Variants in H1-8 observed in about 807,000 individuals in gnomAD.
The protein encoded by H1-8 is histone H1.8.
Under a neutral mutation model 19.5 loss-of-function variants are expected in H1-8, and 13 were observed. The observed-to-expected ratio is 0.67, with a 90% CI of 0.43 to 1.06. The LOEUF (loss-of-function observed/expected upper bound fraction) is 1.06, where lower values mean the gene tolerates loss of function less well. Among genes scored for constraint, H1-8 ranks in the 50% least tolerant of loss-of-function variants. H1-8 has a pLI of 0.00. For missense variants in H1-8, 432 were observed against 459.8 expected, an observed-to-expected ratio of 0.94 and a Z score of 0.55; for synonymous variants, 193 against 187.6, an observed-to-expected ratio of 1.03 and a Z score of -0.24.
intron 1 of H1-8, among the ~76,000 whole-genome samples, chr3:129,543,619 T>C (rs956006835): frequency 6.6e-6 from 1 of 151,056 alleles, no homozygotes; most frequent in African/African-American, 2.4e-5. Flanking sequence ...CCGTAGCCCG[T>C]AGCCAGGCTG....
chr3:129,547,348 G>C, intron 1 of H1-8, 43 bp from the exon 2 acceptor site: 4 of 1,460,684 alleles, frequency 2.7e-6, no homozygotes, highest in Non-Finnish European at 3.6e-6. Flanking sequence ...CTGCCACTGA[G>C]TTGTGACTGG....
intron 3 of H1-8, among the ~76,000 whole-genome samples, chr3:129,550,376 C>T (rs2084924477): frequency 6.6e-6 from 1 of 152,140 alleles, no homozygotes; most frequent in Non-Finnish European, 1.5e-5. Context: ...CACTCCAGCA[C>T]AGTGACAGAG....
At position 129,549,321 on chromosome 3, in the gene H1-8, G is replaced by A; in HGVS notation, c.699G>A (p.Gly233=). ...KAMRAPSSAG[G]LSRKAKAKGS... ...TGCGGGCACCTTCCAGTGCTGGTGGGCTCAGCAGGAAGGCAAAGGCCAAAG... is the reference window on the plus strand; with the variant it reads ...TGCGGGCACCTTCCAGTGCTGGTGGACTCAGCAGGAAGGCAAAGGCCAAAG... Residue 233 remains glycine (G), a synonymous_variant, in exon 3 of 5, where the codon GGG becomes GGA. Transcript: ENST00000324382. The A allele has an allele frequency of 6.2e-7, 1 of 1,606,800 alleles. No homozygotes were observed. The highest frequency in any genetic ancestry group is 8.5e-7 in the Non-Finnish European group (1 of 1,177,848).
Position 129,549,089 on chromosome 3 carries a change from G to T in H1-8, c.467G>T (p.Gly156Val). ...AGAGCGGGTGAGGCCAAGGGGAAGG[G>T]CCCCAAGAAACCAAGTGAGGCCAAG... Reference protein sequence around the residue: ...PRRAGEAKGKGPKKPSEAKED... With the variant: ...PRRAGEAKGKVPKKPSEAKED... The change falls in exon 3 of 5, where the codon GGC becomes GTC. Residue 156 changes from glycine (G) to valine (V), a missense_variant. Coordinates refer to ENST00000324382, the MANE Select transcript of H1-8 (RefSeq NM_153833.3). 1 of 1,608,164 alleles carries T rather than the reference G, an allele frequency of 6.2e-7. No individual in the cohort carries two copies. Among genetic ancestry groups the T allele is most frequent in the Non-Finnish European group, 8.5e-7 (1 of 1,176,812 alleles).
Position 129,551,121 on chromosome 3 carries a change from T to C in H1-8, c.822T>C (p.Ala274=). 1 of 1,613,740 alleles carries C rather than the reference T, an allele frequency of 6.2e-7. No individual in the cohort carries two copies. The highest frequency in any genetic ancestry group is 1.3e-5 in the African/African-American group (1 of 75,014). Residue 274 remains alanine (A), a synonymous_variant, in exon 5 of 5, where the codon GCT becomes GCC. Transcript: ENST00000324382. ...CTTTCGTATAGGTCAAGAATGGTGC[T>C]GCTTCCCCGACCAAAAAGAAGGTGG... ...KPTASKVKNG[A]ASPTKKKVVA...
chr3:129,551,229 G>T lies in H1-8; in HGVS notation c.930G>T (p.Val310=), dbSNP rs539397868. Reference sequence around the variant, plus strand: ...CTGCTAAGGGCAGTGGGTCCAAGGTGGTACCTGCACATTTGTCCAGGAAGA... The same window carrying T: ...CTGCTAAGGGCAGTGGGTCCAAGGTTGTACCTGCACATTTGTCCAGGAAGA... ...AAPAKGSGSK[V]VPAHLSRKTE... Residue 310 remains valine (V), a synonymous_variant, in exon 5 of 5, where the codon GTG becomes GTT. Coordinates refer to ENST00000324382, the MANE Select transcript of H1-8 (RefSeq NM_153833.3). 32 of 1,614,226 alleles carry T rather than the reference G, an allele frequency of 2.0e-5. No homozygotes were observed. The South Asian group carries it at 3.3e-4, about 17-fold the overall frequency.
intron 1 of H1-8, 35 bp downstream of exon 1, chr3:129,543,341 G>A (rs376787222): frequency 8.6e-6 from 13 of 1,508,098 alleles, no homozygotes; most frequent in African/African-American, 6.9e-5. Flanking sequence ...CCTCATCCCT[G>A]CGAGCCCACT....
chr3:129,549,503 G>C, intron 3 of H1-8, 139 bp downstream of exon 3: 2 of 1,021,404 alleles, frequency 2.0e-6, no homozygotes, highest in South Asian at 3.5e-5. Flanking sequence ...CCTGGAGAGA[G>C]AGAACTCATG....
chr3:129,546,122 C>CAATAACAAT (rs1553782844), intron 1 of H1-8, among the ~76,000 whole-genome samples: 14 of 139,230 alleles, frequency 1.0e-4, no homozygotes, highest in African/African-American at 3.6e-4. Context: ...ATAACAATAA[C>CAATAACAAT]AATAATAATA....
chr3:129,548,342 C>A, intron 2 of H1-8: 5 of 986,010 alleles, frequency 5.1e-6, no homozygotes, highest in Non-Finnish European at 6.0e-6. Flanking sequence ...CACAGAAAGT[C>A]CCACCCTGGT....
intron 3 of H1-8, among the ~76,000 whole-genome samples, chr3:129,549,744 A>G (rs1204273572): frequency 6.6e-6 from 1 of 152,082 alleles, no homozygotes; most frequent in Non-Finnish European, 1.5e-5. Context: ...CCTTGAGGTC[A>G]GGAGTTTGAG....
Position 129,551,372 on chromosome 3 carries a change from C to T in H1-8, c.*32C>T. On this transcript the variant is annotated 3_prime_UTR_variant, in exon 5 of 5. Coordinates refer to ENST00000324382, the MANE Select transcript of H1-8 (RefSeq NM_153833.3). The stretch of plus-strand genomic sequence containing the variant: ...AGGCAGGGGCGGAGAGAGACCGAGC[C>T]TCTGCCCTAGTTTTTATTCTTCAAC... 7.1e-7 allele frequency: 1 copy of T among 1,416,904 alleles called. No homozygotes were observed. Among genetic ancestry groups the T allele is most frequent in the Non-Finnish European group, 9.8e-7 (1 of 1,022,454 alleles). 87.8% of individuals were successfully genotyped at this position (1,416,904 alleles called of 1,614,324 possible).
chr3:129,547,784 G>A (rs549817785), intron 2 of H1-8, 104 bp downstream of exon 2: 10 of 1,077,168 alleles, frequency 9.3e-6, no homozygotes, highest in Middle Eastern at 3.1e-4. Context: ...CCGGTCCCCT[G>A]TCCTTGTTCC....
chr3:129,551,410 T>A lies in H1-8; in HGVS notation c.*70T>A, dbSNP rs2084932278. The A allele has an allele frequency of 2.2e-6, 2 of 905,404 alleles. No individual in the cohort carries two copies. Among genetic ancestry groups the A allele is most frequent in the Non-Finnish European group, 1.7e-6 (1 of 587,104 alleles). The allele number at this position is 905,404 out of a possible 1,614,324, so 56.1% of individuals were successfully genotyped here. On this transcript the variant is annotated 3_prime_UTR_variant, in exon 5 of 5. Transcript: ENST00000324382. ...TTTATTCTTCAACTAACCACTGCTC[T>A]ATTTATTTCATTGTAAGCTATTTAT...
intron 3 of H1-8, 104 bp downstream of exon 3, chr3:129,549,468 C>T (rs1161655934): frequency 1.3e-5 from 17 of 1,330,692 alleles, no homozygotes; most frequent in Non-Finnish European, 1.6e-5. Flanking sequence ...TTATCTAGTG[C>T]ATGTGTCCTG....
Position 129,549,267 on chromosome 3 carries a change from GAA to G in H1-8, c.646_647del (p.Lys216GlyfsTer35). 2 of 1,572,644 alleles carry G rather than the reference GAA, an allele frequency of 1.3e-6. No homozygotes were observed. Among genetic ancestry groups the G allele is most frequent in the Non-Finnish European group, 8.6e-7 (1 of 1,160,986 alleles). On this transcript the variant is annotated frameshift_variant, in exon 3 of 5. Transcript: ENST00000324382. LOFTEE classifies it high-confidence loss of function. ...DTRAQSGEAR[K>X]VPPKPDKAMR... is the part of the protein sequence containing the mutation. The stretch of plus-strand genomic sequence containing the variant: ...CCAGGGCACAGTCGGGAGAGGCTAG[GAA>G]GGTGCCCCCCAAGCCAGACAAGGCC...
At position 129,551,360 on chromosome 3, in the gene H1-8, G is replaced by A. The variant is rs1213694584; in HGVS notation, c.*20G>A. 3.3e-6 allele frequency: 5 copies of A among 1,520,556 alleles called. No homozygotes were observed. In the South Asian group the frequency reaches 3.4e-5, roughly 10 times the overall value. The allele number at this position is 1,520,556 out of a possible 1,614,324, so 94.2% of individuals were successfully genotyped here. On this transcript the variant is annotated 3_prime_UTR_variant, in exon 5 of 5. Coordinates refer to ENST00000324382, the MANE Select transcript of H1-8 (RefSeq NM_153833.3). ...GCTTAGGGCCAGAGGCAGGGGCGGA[G>A]AGAGACCGAGCCTCTGCCCTAGTTT...
Position 129,551,300 on chromosome 3 carries a change from C to A in H1-8, c.1001C>A (p.Ala334Asp). The change falls in exon 5 of 5, where the codon GCC (alanine) becomes GAC (aspartate). Residue 334 changes from alanine (A) to aspartate (D), a missense_variant. Physicochemically the swap from Ala to Asp is moderately radical, Grantham distance 126. Transcript: ENST00000324382. Reference protein sequence around the residue: ...GPRKAGLPIKASSSKVSSQRA... With the variant: ...GPRKAGLPIKDSSSKVSSQRA... ...AGAAAGGCTGGGCTGCCCATCAAGG[C>A]CTCATCATCCAAAGTGTCCAGCCAG... is the stretch of plus-strand genomic sequence containing the variant. 1 of 1,613,884 alleles carries A rather than the reference C, an allele frequency of 6.2e-7. No homozygotes were observed. Among genetic ancestry groups the A allele is most frequent in the Non-Finnish European group, 8.5e-7 (1 of 1,179,978 alleles).
At chr3:129,547,802 G>A in intron 2 of H1-8, 122 bp downstream of exon 2, 3 of 941,450 alleles carry the variant, frequency 3.2e-6, no homozygotes, top group Non-Finnish European at 3.1e-6. Flanking sequence ...TCCTCCTGTG[G>A]TCTCAGCCGA....
Sources: gnomAD v4.1 joint callset for allele counts (sites outside exome capture counted in the v4.1 genomes callset) on GRCh38, gnomAD v4.1.1 for gene constraint, MANE v1.5 for transcripts, NCBI Gene and HGNC (gene_info 2026-07-23, HGNC 2026-07-21) for gene names.